GRIP1: variants seen among roughly 807,000 people sequenced by gnomAD.
GRIP1 encodes glutamate receptor-interacting protein 1.
In GRIP1, 45 loss-of-function variants were observed where a neutral mutation model predicts 129.9. That is an observed-to-expected ratio of 0.35 (90% CI 0.27 to 0.44). The LOEUF (loss-of-function observed/expected upper bound fraction) is 0.44. Among genes scored for constraint, GRIP1 ranks in the 20% least tolerant of loss-of-function variants. The pLI is 1.00. For synonymous variants in GRIP1, 530 were observed against 520.8 expected (o/e 1.02, Z -0.24); for missense variants, 1,196 against 1,396.8 (o/e 0.86, Z 2.29).
At chr12:66,739,341 T>C (rs984766602) in intron 1 of GRIP1, among the ~76,000 whole-genome samples, 1 of 152,086 alleles carries the variant, frequency 6.6e-6, no homozygotes, top group African/African-American at 2.4e-5. Flanking sequence ...ACAAAGAATG[T>C]ATGGTGGAGC....
chr12:66,533,887 A>ACACACTCTCTCTCT (rs139244381), intron 4 of GRIP1, among the ~76,000 whole-genome samples: 1 of 147,938 alleles, frequency 6.8e-6, no homozygotes, highest in South Asian at 2.2e-4. Flanking sequence ...ACATACACAC[A>ACACACTCTCTCTCT]CTCTCTCTCT....
chr12:66,816,380 TGCATAGAGCTTG>T (rs1432275156), intron 1 of GRIP1, among the ~76,000 whole-genome samples: 1 of 152,202 alleles, frequency 6.6e-6, no homozygotes, highest in Non-Finnish European at 1.5e-5. Context: ...CCTGGTACCT[TGCATAGAGCTTG>T]GCCTCTGATA....
rs185329703 is a variant in GRIP1 at position 66,554,855 on chromosome 12, G to A, written c.137-12905C>T. 4.6e-5 allele frequency among the ~76,000 whole-genome samples: 7 copies of A among 152,214 alleles called. No homozygotes were observed. In the East Asian group the frequency reaches 1.4e-3, roughly 30 times the overall value. ...TGGGAAGGACTTTTTATTGTGCTTT[G>A]GGTACCAGTTCAGCTGCAGTAGAAT... On this transcript the variant is annotated intron_variant, in intron 2 of 24. Coordinates refer to ENST00000359742, the MANE Select transcript of GRIP1 (RefSeq NM_001366722.1).
chr12:66,668,765 T>C (rs990612353), intron 1 of GRIP1, among the ~76,000 whole-genome samples: 4 of 138,986 alleles, frequency 2.9e-5, no homozygotes, highest in African/African-American at 7.5e-5. Flanking sequence ...ACCTCATCAC[T>C]ATCAAAAAGA....
chr12:66,479,089 T>A (rs1184922603), intron 7 of GRIP1, among the ~76,000 whole-genome samples: 4 of 111,874 alleles, frequency 3.6e-5, no homozygotes, highest in Admixed American at 3.0e-4. Context: ...AGCCCTAAAA[T>A]GTGAGAGATA....
intron 1 of GRIP1, among the ~76,000 whole-genome samples, chr12:66,856,735 G>A (rs927373903): frequency 3.3e-5 from 5 of 151,614 alleles, no homozygotes; most frequent in African/African-American, 9.7e-5. Flanking sequence ...AGGTGCTGGA[G>A]AGGATGTGGA....
chr12:66,727,119 T>C (rs1269208748), intron 1 of GRIP1, among the ~76,000 whole-genome samples: 1 of 152,168 alleles, frequency 6.6e-6, no homozygotes, highest in Non-Finnish European at 1.5e-5. Context: ...GAAGATTCTA[T>C]GTGTATCACA....
At chr12:67,003,570 G>A (rs796764071) in intron 1 of GRIP1, among the ~76,000 whole-genome samples, 8 of 152,146 alleles carry the variant, frequency 5.3e-5, no homozygotes, top group African/African-American at 1.9e-4. Context: ...GTGTACACCT[G>A]CAGTCCCAGC....
chr12:66,662,266 A>G (rs1721546712), intron 1 of GRIP1, among the ~76,000 whole-genome samples: 1 of 152,020 alleles, frequency 6.6e-6, no homozygotes, highest in African/African-American at 2.4e-5. Context: ...TTCTCAGTTC[A>G]TTGCCTGCTG....
At chr12:66,739,847 A>G (rs1469620520) in intron 1 of GRIP1, among the ~76,000 whole-genome samples, 1 of 152,162 alleles carries the variant, frequency 6.6e-6, no homozygotes, top group Non-Finnish European at 1.5e-5. Flanking sequence ...CTGAATAAGG[A>G]AAAATCAGCA....
At chr12:66,378,817 C>T (rs2055948432) in intron 20 of GRIP1, among the ~76,000 whole-genome samples, 2 of 152,028 alleles carry the variant, frequency 1.3e-5, no homozygotes, top group South Asian at 2.1e-4. Flanking sequence ...TGTGGTGGCA[C>T]AGGCCTATAA....
intron 1 of GRIP1, among the ~76,000 whole-genome samples, chr12:67,013,611 T>C (rs2042741088): frequency 6.6e-6 from 1 of 152,192 alleles, no homozygotes; most frequent in South Asian, 2.1e-4. Flanking sequence ...CACTTGTTGT[T>C]ATTTTACAGG....
At chr12:66,723,276 C>T (rs1457012634) in intron 1 of GRIP1, among the ~76,000 whole-genome samples, 1 of 10,444 alleles carries the variant, frequency 9.6e-5, no homozygotes, top group Non-Finnish European at 1.5e-4. Flanking sequence ...TCCTTCCTTC[C>T]TTCCTTCCTT....
At position 66,389,716 on chromosome 12, in the gene GRIP1, C is replaced by T. The variant is rs564508132; in HGVS notation, c.2464+2592G>A. On this transcript the variant is annotated intron_variant, in intron 19 of 24. Transcript: ENST00000359742. ...TTATGTTGAGGTAGGTGTCATTGAT[C>T]AGTTCTCCTGTCTTCAATGATGCCA... is the stretch of plus-strand genomic sequence containing the variant. Among the ~76,000 whole-genome samples, 7 of 152,280 alleles carry T rather than the reference C, an allele frequency of 4.6e-5. No homozygotes were observed. In the South Asian group the frequency reaches 1.2e-3, roughly 27 times the overall value.
intron 1 of GRIP1, among the ~76,000 whole-genome samples, chr12:66,610,309 G>A (rs537915361): frequency 2.8e-4 from 42 of 151,984 alleles, no homozygotes; most frequent in Non-Finnish European, 5.7e-4. Context: ...TTTAACAGAT[G>A]TAGACATCTA....
At chr12:66,946,785 T>TGGG (rs537292136) in intron 1 of GRIP1, among the ~76,000 whole-genome samples, 4 of 26,854 alleles carry the variant, frequency 1.5e-4, no homozygotes, top group African/African-American at 4.6e-4. Flanking sequence ...GGGTGGGGGA[T>TGGG]GGGGGGGGTG....
At chr12:66,786,547 C>G (rs2038351802) in intron 1 of GRIP1, among the ~76,000 whole-genome samples, 1 of 152,226 alleles carries the variant, frequency 6.6e-6, no homozygotes, top group Admixed American at 6.5e-5. Flanking sequence ...CAGACACTGA[C>G]TATGGTCTGC....
chr12:66,525,161 T>C (rs1367820785), intron 5 of GRIP1, among the ~76,000 whole-genome samples: 2 of 152,072 alleles, frequency 1.3e-5, no homozygotes, highest in Non-Finnish European at 2.9e-5. Context: ...AAAGAGGGAA[T>C]CCTCCCTAAC....
chr12:66,437,961 C>T (rs1592865639), intron 13 of GRIP1, among the ~76,000 whole-genome samples: 1 of 152,232 alleles, frequency 6.6e-6, no homozygotes, highest in Non-Finnish European at 1.5e-5. Context: ...CCTTGGGTTT[C>T]CCCAATTGAG....
Sources: gnomAD v4.1 joint callset for allele counts (sites outside exome capture counted in the v4.1 genomes callset) on GRCh38, gnomAD v4.1.1 for gene constraint, MANE v1.5 for transcripts, NCBI Gene and HGNC (gene_info 2026-07-23, HGNC 2026-07-21) for gene names.